PCLO: variants seen among roughly 807,000 people sequenced by gnomAD.
The protein encoded by PCLO is protein piccolo.
In PCLO, 82 loss-of-function variants were observed where a neutral mutation model predicts 427.5. That is an observed-to-expected ratio of 0.19 (90% CI 0.16 to 0.23). The LOEUF is 0.23. Among genes scored for constraint, PCLO ranks in the 10% least tolerant of loss-of-function variants. The pLI, the probability that PCLO is intolerant of heterozygous loss-of-function variation, is 1.00. For missense variants in PCLO, 6,239 were observed against 6,115.9 expected (o/e 1.02, Z -0.67); for synonymous variants, 2,357 against 2,155.4 (o/e 1.09, Z -2.59).
chr7:82,982,428 G>A (rs1031203371), intron 3 of PCLO, among the ~76,000 whole-genome samples: 3 of 151,928 alleles, frequency 2.0e-5, no homozygotes, highest in African/African-American at 7.2e-5. Flanking sequence ...CAAGTTTGAC[G>A]GGGTATTTAC....
At chr7:83,130,693 A>T (rs1791548653) in intron 3 of PCLO, among the ~76,000 whole-genome samples, 1 of 152,210 alleles carries the variant, frequency 6.6e-6, no homozygotes. Flanking sequence ...AATGCAGGAT[A>T]TCTCCACTAG....
intron 3 of PCLO, among the ~76,000 whole-genome samples, chr7:83,027,531 G>A (rs1451737856): frequency 6.6e-6 from 1 of 151,758 alleles, no homozygotes; most frequent in African/African-American, 2.4e-5. Flanking sequence ...AGAGGTACAA[G>A]GAGGAACTGG....
chr7:82,809,634 C>T (rs73706737), intron 20 of PCLO, among the ~76,000 whole-genome samples: 4,926 of 141,494 alleles, frequency 0.035, 279 homozygotes, highest in African/African-American at 0.12. Context: ...ATACTTCTTT[C>T]CTTTAACCAA....
chr7:82,928,227 G>A (rs60368682), intron 6 of PCLO, among the ~76,000 whole-genome samples: 1 of 152,144 alleles, frequency 6.6e-6, no homozygotes, highest in Non-Finnish European at 1.5e-5. Flanking sequence ...AGGCATTCAA[G>A]TGTTTGCTAT....
chr7:83,036,804 C>T (rs189493838), intron 3 of PCLO, among the ~76,000 whole-genome samples: 1 of 152,144 alleles, frequency 6.6e-6, no homozygotes, highest in East Asian at 1.9e-4. Flanking sequence ...TTGCTCCTAC[C>T]GCCACTACTA....
At chr7:83,004,687 A>G (rs980285326) in intron 3 of PCLO, among the ~76,000 whole-genome samples, 10 of 151,848 alleles carry the variant, frequency 6.6e-5, no homozygotes, top group African/African-American at 2.4e-4. Flanking sequence ...GACTACATCA[A>G]ACTAAGATGT....
intron 10 of PCLO, among the ~76,000 whole-genome samples, chr7:82,852,806 A>G (rs976131852): frequency 3.9e-5 from 6 of 152,124 alleles, no homozygotes; most frequent in Non-Finnish European, 7.4e-5. Context: ...GCTATTGAAC[A>G]CTGGATCTTA....
intron 16 of PCLO, among the ~76,000 whole-genome samples, chr7:82,835,441 C>T (rs1399992217): frequency 6.6e-6 from 1 of 151,982 alleles, no homozygotes; most frequent in Admixed American, 6.6e-5. Context: ...TGTTTCTATG[C>T]TTTTAATATT....
intron 6 of PCLO, among the ~76,000 whole-genome samples, chr7:82,945,243 G>A (rs1430444725): frequency 2.6e-5 from 4 of 151,988 alleles, no homozygotes; most frequent in Non-Finnish European, 5.9e-5. Context: ...AAAACTGTCC[G>A]GTTACGTAAA....
intron 13 of PCLO, among the ~76,000 whole-genome samples, chr7:82,841,946 T>C (rs541865098): frequency 4.6e-5 from 7 of 152,094 alleles, no homozygotes; most frequent in Non-Finnish European, 1.0e-4. Context: ...TGCTGAATGC[T>C]CAGCACCTCC....
chr7:83,155,985 A>G lies in PCLO; in HGVS notation c.656T>C (p.Ile219Thr), dbSNP rs1792286426. 1 of 1,613,196 alleles carries G rather than the reference A, an allele frequency of 6.2e-7. No homozygotes were observed. Residue 219 changes from isoleucine to threonine, a missense_variant, in exon 2 of 25, where the codon ATT (isoleucine) becomes ACT (threonine). Ile to Thr is a moderately conservative substitution (Grantham distance 89). Transcript: ENST00000333891. ...CCTACCAGGTCCTTGCTGCTTAGGA[A>G]TCGGCTTGGGTGGCTGTTGTTGTAA... ...PPLQQQPPKP[I>T]PKQQGPGRDP...
At chr7:82,930,002 A>G (rs1478576271) in intron 6 of PCLO, among the ~76,000 whole-genome samples, 1 of 152,168 alleles carries the variant, frequency 6.6e-6, no homozygotes, top group South Asian at 2.1e-4. Context: ...GCTTAGAAAA[A>G]GTAATAGAGA....
chr7:82,868,921 A>C (rs994125373), intron 10 of PCLO, among the ~76,000 whole-genome samples: 1 of 152,188 alleles, frequency 6.6e-6, no homozygotes, highest in Non-Finnish European at 1.5e-5. Flanking sequence ...TTATCAATAT[A>C]AACAATTGTT....
At chr7:82,991,201 A>T (rs1763653450) in intron 3 of PCLO, among the ~76,000 whole-genome samples, 1 of 152,066 alleles carries the variant, frequency 6.6e-6, no homozygotes. Context: ...GTGTCTATTT[A>T]TAGTATCTAT....
At chr7:83,007,475 C>T in intron 3 of PCLO, among the ~76,000 whole-genome samples, 1 of 151,236 alleles carries the variant, frequency 6.6e-6, no homozygotes, top group Non-Finnish European at 1.5e-5. Context: ...TATTTTATAG[C>T]TATGGAAAAA....
intron 3 of PCLO, among the ~76,000 whole-genome samples, chr7:83,078,770 T>G (rs1268711456): frequency 1.3e-5 from 2 of 152,034 alleles, no homozygotes; most frequent in Non-Finnish European, 2.9e-5. Flanking sequence ...TCCTGAGCTC[T>G]GGCAATCCGC....
At chr7:82,886,711 G>A (rs1793635833) in intron 9 of PCLO, among the ~76,000 whole-genome samples, 1 of 152,034 alleles carries the variant, frequency 6.6e-6, no homozygotes, top group Non-Finnish European at 1.5e-5. Flanking sequence ...GAGTTATTTA[G>A]TACAGTTATT....
At position 82,947,176 on chromosome 7, in the gene PCLO, A is replaced by G. The variant is rs747206298; in HGVS notation, c.11112+2300T>C. Among the ~76,000 whole-genome samples, 28 of 152,294 alleles carry G rather than the reference A, an allele frequency of 1.8e-4. 1 individual carries two copies. In the South Asian group the frequency reaches 3.5e-3, roughly 19 times the overall value. ...GCAGAGGTCTCAATCTTCATGACTC[A>G]GACCTCTTCTTTGCAACCTCTCCTG... On this transcript the variant is annotated intron_variant, in intron 6 of 24. Transcript: ENST00000333891.
chr7:82,859,232 A>G (rs933951114), intron 10 of PCLO, among the ~76,000 whole-genome samples: 1 of 152,176 alleles, frequency 6.6e-6, no homozygotes, highest in Admixed American at 6.5e-5. Context: ...TGCTAATTGT[A>G]GAGTTCCAGG....
Sources: gnomAD v4.1 joint callset for allele counts (sites outside exome capture counted in the v4.1 genomes callset) on GRCh38, gnomAD v4.1.1 for gene constraint, MANE v1.5 for transcripts, NCBI Gene and HGNC (gene_info 2026-07-23, HGNC 2026-07-21) for gene names.